WWOX: variants seen among roughly 807,000 people sequenced by gnomAD.
WWOX encodes the protein WW domain-containing oxidoreductase.
In WWOX, 69 loss-of-function variants were observed where a neutral mutation model predicts 46.2. That is an observed-to-expected ratio of 1.49 (90% CI 1.23 to 1.82). The LOEUF is 1.82. WWOX is among the 40% of genes most tolerant of loss of function. The pLI is 0.00. For synonymous variants in WWOX, 359 were observed against 202.6 expected (o/e 1.77, Z -6.56); for missense variants, 919 against 542.6 (o/e 1.69, Z -6.89).
chr16:79,014,042 G>A (rs1462406862), intron 8 of WWOX, among the ~76,000 whole-genome samples: 1 of 152,174 alleles, frequency 6.6e-6, no homozygotes, highest in Non-Finnish European at 1.5e-5. Flanking sequence ...TTTAGAGACT[G>A]TCAATTCCTG....
chr16:78,793,011 C>G (rs111502310), intron 8 of WWOX, among the ~76,000 whole-genome samples: 1 of 152,160 alleles, frequency 6.6e-6, no homozygotes, highest in African/African-American at 2.4e-5. Flanking sequence ...CCTTAAGATG[C>G]GGAATTTCCT....
chr16:78,825,120 A>C (rs1334644536), intron 8 of WWOX, among the ~76,000 whole-genome samples: 2 of 152,136 alleles, frequency 1.3e-5, no homozygotes, highest in East Asian at 1.9e-4. Flanking sequence ...CGGGGAGGTC[A>C]AGTGAGTTTC....
intron 8 of WWOX, among the ~76,000 whole-genome samples, chr16:78,729,560 A>G (rs1480763553): frequency 2.6e-5 from 4 of 152,028 alleles, no homozygotes; most frequent in African/African-American, 7.2e-5. Flanking sequence ...ACAAGCTCAG[A>G]TATGCCTGGA....
chr16:78,914,880 G>GAAAAAAAAAA (rs10706775), intron 8 of WWOX, among the ~76,000 whole-genome samples: 1 of 69,386 alleles, frequency 1.4e-5, no homozygotes. Flanking sequence ...CTCCGCCTCA[G>GAAAAAAAAAA]AAAAAAAAAA....
chr16:78,562,233 G>C (rs1049716117), intron 8 of WWOX, among the ~76,000 whole-genome samples: 1 of 152,156 alleles, frequency 6.6e-6, no homozygotes, highest in African/African-American at 2.4e-5. Flanking sequence ...TAAGAGCCTC[G>C]CGAGGTTTGG....
chr16:78,172,309 A>C (rs543805717), intron 5 of WWOX, among the ~76,000 whole-genome samples: 178 of 152,232 alleles, frequency 1.2e-3, no homozygotes, highest in African/African-American at 4.2e-3. Flanking sequence ...TTCCTTTTCG[A>C]GTAGTATATC....
At chr16:78,914,979 G>GTCATGTAT (rs1200569848) in intron 8 of WWOX, among the ~76,000 whole-genome samples, 2 of 151,814 alleles carry the variant, frequency 1.3e-5, no homozygotes, top group African/African-American at 4.8e-5. Context: ...TAATTCCAGG[G>GTCATGTAT]TCATGTATTA....
intron 8 of WWOX, among the ~76,000 whole-genome samples, chr16:78,634,544 A>G (rs529603324): frequency 1.5e-3 from 232 of 151,974 alleles, no homozygotes; most frequent in African/African-American, 5.3e-3. Flanking sequence ...CGTCTCTACT[A>G]AAAATACAAA....
At chr16:78,615,908 A>T (rs1160613206) in intron 8 of WWOX, among the ~76,000 whole-genome samples, 1 of 151,608 alleles carries the variant, frequency 6.6e-6, no homozygotes, top group African/African-American at 2.4e-5. Context: ...CCGCCACCAC[A>T]CTCAGCTAAT....
At position 78,411,866 on chromosome 16, in the gene WWOX, G is replaced by A. The variant is rs1247783592; in HGVS notation, c.606-13004G>A. Among the ~76,000 whole-genome samples, 5 of 152,180 alleles carry A rather than the reference G, an allele frequency of 3.3e-5. No individual in the cohort carries two copies. The South Asian group carries it at 6.2e-4, about 19-fold the overall frequency. The stretch of plus-strand genomic sequence containing the variant: ...GATGGGGATTCTTGTTCCTATGATC[G>A]ATTAGGGGACTGTTCCCAGAGGAGA... On this transcript the variant is annotated intron_variant, in intron 6 of 8. Transcript: ENST00000566780.
intron 8 of WWOX, among the ~76,000 whole-genome samples, chr16:78,742,497 G>C (rs1362807465): frequency 2.0e-5 from 3 of 152,226 alleles, no homozygotes; most frequent in African/African-American, 7.2e-5. Flanking sequence ...GCGTGGACCA[G>C]AGCCTCTGGT....
At chr16:78,620,153 G>C (rs140981003) in intron 8 of WWOX, among the ~76,000 whole-genome samples, 9 of 152,298 alleles carry the variant, frequency 5.9e-5, no homozygotes, top group South Asian at 2.1e-4. Context: ...TGGTGAGTAG[G>C]ATGAATAATA....
intron 8 of WWOX, among the ~76,000 whole-genome samples, chr16:79,193,713 G>C (rs1029063326): frequency 6.6e-6 from 1 of 152,198 alleles, no homozygotes; most frequent in Admixed American, 6.5e-5. Context: ...TTGGAGGAAG[G>C]AGAGGAAAGT....
Position 78,689,857 on chromosome 16 carries a change from G to GT in WWOX, c.1056+257113dup, listed in dbSNP as rs201401432. 7.5e-3 allele frequency among the ~76,000 whole-genome samples: 1,134 copies of GT among 151,486 alleles called. 9 individuals carry two copies. Among genetic ancestry groups the GT allele is most frequent in the African/African-American group, 0.015 (624 of 41,284 alleles). ...AAATGTCAAGGTAACTTTGTTTTTT[G>GT]TTTTTTTTGTGTGTTTTTTTGGAGA... On this transcript the variant is annotated intron_variant, in intron 8 of 8. Transcript: ENST00000566780.
At chr16:79,014,001 G>C (rs374827216) in intron 8 of WWOX, among the ~76,000 whole-genome samples, 1 of 152,140 alleles carries the variant, frequency 6.6e-6, no homozygotes, top group Non-Finnish European at 1.5e-5. Flanking sequence ...CCTTTTGTCA[G>C]TTGGCATGCG....
rs565555140 is a variant in WWOX at position 78,121,997 on chromosome 16, C to T, written c.409+6843C>T. 9.2e-5 allele frequency among the ~76,000 whole-genome samples: 14 copies of T among 152,178 alleles called. No individual in the cohort carries two copies. The East Asian group carries it at 2.1e-3, about 23-fold the overall frequency. ...TTTTGAGGTTTCAGTTACCTGAGGTCAACAGGCATCTGAAAATACTAATTT... is the reference window on the plus strand; with the variant it reads ...TTTTGAGGTTTCAGTTACCTGAGGTTAACAGGCATCTGAAAATACTAATTT... On this transcript the variant is annotated intron_variant, in intron 4 of 8. Transcript: ENST00000566780.
chr16:78,915,675 G>GT (rs2045232528), intron 8 of WWOX, among the ~76,000 whole-genome samples: 2 of 135,686 alleles, frequency 1.5e-5, no homozygotes. Context: ...GAAAGTGCTT[G>GT]TCTATTCCTC....
chr16:79,063,775 A>T (rs1406311085), intron 8 of WWOX, among the ~76,000 whole-genome samples: 1 of 152,232 alleles, frequency 6.6e-6, no homozygotes, highest in Non-Finnish European at 1.5e-5. Context: ...AAAAATGAAA[A>T]TGAAAATAGA....
chr16:78,457,285 A>C (rs117526147), intron 8 of WWOX, among the ~76,000 whole-genome samples: 1 of 152,210 alleles, frequency 6.6e-6, no homozygotes, highest in Non-Finnish European at 1.5e-5. Flanking sequence ...ATTCCATTGC[A>C]CGACTTTAAA....
Sources: gnomAD v4.1 joint callset for allele counts (sites outside exome capture counted in the v4.1 genomes callset) on GRCh38, gnomAD v4.1.1 for gene constraint, MANE v1.5 for transcripts, NCBI Gene and HGNC (gene_info 2026-07-23, HGNC 2026-07-21) for gene names.